USP7: variants seen among roughly 807,000 people sequenced by gnomAD.
USP7 encodes the protein ubiquitin C-terminal hydrolase 7.
Under a neutral mutation model 162.9 loss-of-function variants are expected in USP7, and 9 were observed. That is an observed-to-expected ratio of 0.06 (90% CI 0.03 to 0.10). USP7 has a LOEUF of 0.10. Ranked by LOEUF, USP7 falls within the 10% of genes least tolerant of loss-of-function variation. USP7 has a pLI of 1.00. For synonymous variants in USP7, 562 were observed against 475.9 expected, an observed-to-expected ratio of 1.18 and a Z score of -2.35; for missense variants, 715 against 1,373.7, an observed-to-expected ratio of 0.52 and a Z score of 7.58.
rs1899965191 is a variant in USP7, at chr16:8,960,407, G to C, written c.79+2800C>G. ...GTTTTCCAATGAATATACAAGGACT[G>C]TGCAGAGTTCACTCAAAAGCAAATG... On this transcript the variant is annotated intron_variant, in intron 1 of 30. Coordinates refer to ENST00000344836, the MANE Select transcript of USP7 (RefSeq NM_003470.3). Among the ~76,000 whole-genome samples the C allele has an allele frequency of 3.9e-5, 6 of 152,308 alleles. No individual in the cohort carries two copies. In the South Asian group the frequency reaches 1.2e-3, roughly 32 times the overall value.
At chr16:8,961,942 G>A (rs1173393265) in intron 1 of USP7, among the ~76,000 whole-genome samples, 2 of 152,300 alleles carry the variant, frequency 1.3e-5, no homozygotes, top group South Asian at 2.1e-4. Flanking sequence ...AAATACCACT[G>A]GGGAGTGCCT....
At chr16:8,939,772 A>C (rs1302593498) in intron 1 of USP7, among the ~76,000 whole-genome samples, 2 of 152,186 alleles carry the variant, frequency 1.3e-5, no homozygotes. Flanking sequence ...TAACTCCAAA[A>C]CATTGTCATG....
intron 3 of USP7, among the ~76,000 whole-genome samples, chr16:8,922,208 G>T (rs1897732328): frequency 6.6e-6 from 1 of 152,204 alleles, no homozygotes; most frequent in South Asian, 2.1e-4. Context: ...TGAAAGTACG[G>T]CCAGGTGCGC....
At chr16:8,922,267 T>C (rs1179921041) in intron 3 of USP7, among the ~76,000 whole-genome samples, 3 of 152,194 alleles carry the variant, frequency 2.0e-5, no homozygotes, top group Admixed American at 2.0e-4. Context: ...GACAGGCAGA[T>C]CACCTGAGGT....
At chr16:8,913,293 T>G (rs1287160834) in intron 10 of USP7, among the ~76,000 whole-genome samples, 2 of 151,924 alleles carry the variant, frequency 1.3e-5, no homozygotes, top group Non-Finnish European at 2.9e-5. Context: ...GAGGTGGAGG[T>G]TGCAGTGAGC....
chr16:8,943,490 CA>C (rs1899139271), intron 1 of USP7, among the ~76,000 whole-genome samples: 1 of 152,012 alleles, frequency 6.6e-6, no homozygotes, highest in Admixed American at 6.5e-5. Context: ...ATCTGTGACA[CA>C]CAAGAGCCAA....
intron 10 of USP7, among the ~76,000 whole-genome samples, chr16:8,913,892 G>A (rs1363378677): frequency 5.3e-5 from 8 of 151,754 alleles, no homozygotes; most frequent in Non-Finnish European, 8.8e-5. Context: ...GGGACTACAG[G>A]TGCATGCCAC....
intron 1 of USP7, among the ~76,000 whole-genome samples, chr16:8,945,911 A>G (rs1364037043): frequency 6.6e-6 from 1 of 152,150 alleles, no homozygotes; most frequent in Non-Finnish European, 1.5e-5. Context: ...ATTAAAAAAA[A>G]CAACAGCACT....
rs575800403 is a variant in USP7, at chr16:8,946,545, C to T, written c.80-16148G>A. 3.3e-5 allele frequency among the ~76,000 whole-genome samples: 5 copies of T among 152,296 alleles called. No homozygotes were observed. The South Asian group carries it at 1.0e-3, about 32-fold the overall frequency. On this transcript the variant is annotated intron_variant, in intron 1 of 30. Coordinates refer to ENST00000344836, the MANE Select transcript of USP7 (RefSeq NM_003470.3). The stretch of plus-strand genomic sequence containing the variant: ...CTGCAAATCGCGTATCTTACAAAGA[C>T]TCAAATCTCAAATATATAAACAACA...
rs1229217947 is a variant in USP7 at position 8,892,609 on chromosome 16, A to G, written c.*1389T>C. ...GTAAATGTGACTAGTTAGAGGCTAAAAAAAAAAAAAAAAAAAAAAAGAAAC... is the reference window on the plus strand; with the variant it reads ...GTAAATGTGACTAGTTAGAGGCTAAGAAAAAAAAAAAAAAAAAAAAGAAAC... On this transcript the variant is annotated 3_prime_UTR_variant, in exon 31 of 31. Coordinates refer to ENST00000344836, the MANE Select transcript of USP7 (RefSeq NM_003470.3). 1.5e-3 allele frequency: 31 copies of G among 20,414 alleles called. No individual in the cohort carries two copies. The highest frequency in any genetic ancestry group is 5.1e-3 in the African/African-American group (28 of 5,480). The allele number at this position is 20,414 out of a possible 1,614,324, so 1.3% of individuals were successfully genotyped here.
chr16:8,948,537 T>G (rs955377894), intron 1 of USP7, among the ~76,000 whole-genome samples: 2 of 152,164 alleles, frequency 1.3e-5, no homozygotes, highest in African/African-American at 4.8e-5. Context: ...CAAAAAAAGT[T>G]CAAATCCCTT....
chr16:8,896,018 G>C (rs1008185202), intron 26 of USP7, among the ~76,000 whole-genome samples: 12 of 151,884 alleles, frequency 7.9e-5, no homozygotes, highest in Middle Eastern at 3.2e-3. Flanking sequence ...TGCATTTTTA[G>C]TAGAGACGGG....
chr16:8,913,953 G>A (rs1014504848), intron 10 of USP7, among the ~76,000 whole-genome samples: 9 of 151,822 alleles, frequency 5.9e-5, no homozygotes, highest in Non-Finnish European at 1.3e-4. Flanking sequence ...GCCCAGGCTG[G>A]CCTCAAACTC....
chr16:8,902,421 C>A lies in USP7; in HGVS notation c.1901G>T (p.Arg634Leu). 6.2e-7 allele frequency: 1 copy of A among 1,613,924 alleles called. No homozygotes were observed. Among genetic ancestry groups the A allele is most frequent in the South Asian group, 1.1e-5 (1 of 90,998 alleles). ...GGCTTCATTATCTAACATTGCTGGT[C>A]GTTTTGTTCCATTACTCCTTGCTTG... ...PMQARSNGTK[R>L]PAMLDNEADG... Residue 634 changes from arginine (R) to leucine (L), a missense_variant, in exon 17 of 31, where the codon CGA (arginine) becomes CTA (leucine). Arg to Leu is a moderately radical substitution (Grantham distance 102). This residue lies in a region of USP7 where 197 missense variants were observed against 306.5 expected (regional missense o/e 0.64). Coordinates refer to ENST00000344836, the MANE Select transcript of USP7 (RefSeq NM_003470.3).
intron 1 of USP7, among the ~76,000 whole-genome samples, chr16:8,947,748 G>A (rs989172140): frequency 7.9e-5 from 12 of 152,094 alleles, no homozygotes; most frequent in African/African-American, 2.9e-4. Context: ...TTAGGACTTC[G>A]ACAGGATCCT....
intron 1 of USP7, among the ~76,000 whole-genome samples, chr16:8,951,420 A>G (rs932400378): frequency 6.6e-6 from 1 of 152,098 alleles, no homozygotes; most frequent in African/African-American, 2.4e-5. Flanking sequence ...CACCACCCCA[A>G]CTGGCCAAGG....
intron 11 of USP7, among the ~76,000 whole-genome samples, chr16:8,908,882 A>AT (rs2061900238): frequency 2.6e-5 from 4 of 152,262 alleles, no homozygotes; most frequent in Non-Finnish European, 5.9e-5. Context: ...TGAAATGCCC[A>AT]AACAGAACAA....
In USP7 at chr16:8,920,364, T is replaced by C. The variant is rs763956207; in HGVS notation, c.606A>G (p.Gly202=). The C allele has an allele frequency of 1.9e-6, 3 of 1,608,074 alleles. No homozygotes were observed. In the South Asian group the frequency reaches 3.4e-5, roughly 18 times the overall value. Residue 202 remains glycine, a synonymous_variant, in exon 5 of 31, where the codon GGA becomes GGG. Transcript: ENST00000344836. ...CTGATTAAAGAAAAACTTACGCAAC[T>C]CCATGGGGAGCATCCGCCTGTACAA... ...EVFVQADAPH[G]VAWDSKKHTG... is the part of the protein sequence containing the mutation.
chr16:8,963,069 CCGGGAG>C, intron 1 of USP7, 132 bp downstream of exon 1: 1 of 725,320 alleles, frequency 1.4e-6, no homozygotes. Context: ...CAGGCCGGGG[CCGGGAG>C]GCCAGGCCGA....
Sources: allele counts gnomAD v4.1 joint callset (sites outside exome capture counted in the v4.1 genomes callset), GRCh38; gene constraint gnomAD v4.1.1; regional missense constraint gnomAD v4.1.1; transcripts MANE v1.5; gene names NCBI Gene and HGNC (gene_info 2026-07-23, HGNC 2026-07-21).